Variants in KSR2 observed in about 807,000 individuals in gnomAD.
The protein encoded by KSR2 is kinase suppressor of ras 2.
Under a neutral mutation model 107.8 loss-of-function variants are expected in KSR2, and 25 were observed. The ratio of observed to expected loss-of-function variants is 0.23; its 90% CI spans 0.17 to 0.32. The LOEUF (loss-of-function observed/expected upper bound fraction) is 0.32, where lower values mean the gene tolerates loss of function less well. Ranked by LOEUF, KSR2 falls within the 10% of genes least tolerant of loss-of-function variation. The pLI is 1.00. For missense variants in KSR2, 887 were observed against 1,268.9 expected (o/e 0.70, Z 4.57); for synonymous variants, 480 against 507.0 (o/e 0.95, Z 0.71).
chr12:117,457,590 A>C lies in KSR2; in HGVS notation c.*9609T>G, dbSNP rs2137089405. On this transcript the variant is annotated 3_prime_UTR_variant, in exon 20 of 20. Transcript: ENST00000339824. ...AGAAGCTCAGGTGACACCATGCCTGACATGCCACCATATGGGCTTCCAGCC... is the reference window on the plus strand; with the variant it reads ...AGAAGCTCAGGTGACACCATGCCTGCCATGCCACCATATGGGCTTCCAGCC... 6.6e-6 allele frequency: 1 copy of C among 152,320 alleles called. No homozygotes were observed. The highest frequency in any genetic ancestry group is 3.4e-3 in the Middle Eastern group (1 of 294). 9.4% of individuals were successfully genotyped at this position (152,320 alleles called of 1,614,324 possible).
At chr12:117,691,070 G>A (rs1378017406) in intron 4 of KSR2, among the ~76,000 whole-genome samples, 1 of 152,242 alleles carries the variant, frequency 6.6e-6, no homozygotes, top group Non-Finnish European at 1.5e-5. Context: ...AGGGCTTCAA[G>A]TGGGACCCAG....
intron 14 of KSR2, among the ~76,000 whole-genome samples, chr12:117,522,641 C>T (rs1262804933): frequency 6.6e-6 from 1 of 152,168 alleles, no homozygotes; most frequent in Non-Finnish European, 1.5e-5. Context: ...GCTGTGTCTC[C>T]ATGCCTTGAA....
rs1276924616 is a variant in KSR2, at chr12:117,557,142, G to A, written c.1393+1364C>T. Among the ~76,000 whole-genome samples the A allele has an allele frequency of 2.0e-5, 3 of 152,278 alleles. No individual in the cohort carries two copies. The East Asian group carries it at 5.8e-4, about 29-fold the overall frequency. On this transcript the variant is annotated intron_variant, in intron 8 of 19. Transcript: ENST00000339824. The stretch of plus-strand genomic sequence containing the variant: ...ATCGCACCACTGCACTCCAGCCTGG[G>A]CGACAGAGAGAGACTCCATCTCAAA...
intron 3 of KSR2, among the ~76,000 whole-genome samples, chr12:117,808,694 C>T (rs528677893): frequency 6.6e-6 from 1 of 152,292 alleles, no homozygotes; most frequent in East Asian, 1.9e-4. Flanking sequence ...AACTCCTACA[C>T]CCCTCTCCTC....
intron 5 of KSR2, among the ~76,000 whole-genome samples, chr12:117,605,151 T>C (rs1048127839): frequency 1.3e-5 from 2 of 152,116 alleles, no homozygotes; most frequent in African/African-American, 4.8e-5. Flanking sequence ...CTGTGAGGAA[T>C]GGGGTGTTCT....
At chr12:117,723,826 C>A (rs745973164) in intron 4 of KSR2, among the ~76,000 whole-genome samples, 1 of 151,954 alleles carries the variant, frequency 6.6e-6, no homozygotes, top group Non-Finnish European at 1.5e-5. Context: ...AAATCTAATA[C>A]GGGATTTTTG....
chr12:117,824,084 A>G (rs1225674461), intron 3 of KSR2, among the ~76,000 whole-genome samples: 7 of 152,206 alleles, frequency 4.6e-5, no homozygotes, highest in Non-Finnish European at 1.0e-4. Flanking sequence ...AAGGAATGAA[A>G]TCCTGTCATC....
Position 117,842,112 on chromosome 12 carries a change from C to T in KSR2, c.472+13316G>A, listed in dbSNP as rs1892511360. 6.6e-6 allele frequency among the ~76,000 whole-genome samples: 1 copy of T among 152,238 alleles called. No individual in the cohort carries two copies. The highest frequency in any genetic ancestry group is 1.9e-4 in the East Asian group (1 of 5,192). ...TAATGCAGATTTCTGGGCACTGCCCCGGACTGGCTGAAGCAGGAACTCTGG... is the reference window on the plus strand; with the variant it reads ...TAATGCAGATTTCTGGGCACTGCCCTGGACTGGCTGAAGCAGGAACTCTGG... On this transcript the variant is annotated intron_variant, in intron 3 of 19. Transcript: ENST00000339824. The surrounding 1 kb of genome is among the most constrained non-coding windows in gnomAD (Gnocchi z 4.2).
At chr12:117,618,739 G>GT (rs1425754193) in intron 5 of KSR2, among the ~76,000 whole-genome samples, 1 of 152,072 alleles carries the variant, frequency 6.6e-6, no homozygotes, top group African/African-American at 2.4e-5. Flanking sequence ...ATGTAAGAAT[G>GT]TAAGACGTGC....
chr12:117,769,744 G>A (rs942499936), intron 3 of KSR2, among the ~76,000 whole-genome samples: 3 of 152,128 alleles, frequency 2.0e-5, no homozygotes, highest in Non-Finnish European at 2.9e-5. Flanking sequence ...GCCTGACACA[G>A]AGCTCACACT....
chr12:117,913,582 A>T (rs1396581141), intron 1 of KSR2, among the ~76,000 whole-genome samples: 1 of 152,220 alleles, frequency 6.6e-6, no homozygotes, highest in Non-Finnish European at 1.5e-5. Context: ...AATAGGAGAC[A>T]CAGAGAGAAG....
At chr12:117,469,465 A>G (rs1424915909) in intron 19 of KSR2, among the ~76,000 whole-genome samples, 197 bp downstream of exon 19, 1 of 152,180 alleles carries the variant, frequency 6.6e-6, no homozygotes, top group African/African-American at 2.4e-5. Context: ...CAAGACCCAC[A>G]GGACAGACTC....
chr12:117,484,938 G>A (rs1009359926), intron 15 of KSR2, among the ~76,000 whole-genome samples: 6 of 152,182 alleles, frequency 3.9e-5, no homozygotes, highest in African/African-American at 1.2e-4. Flanking sequence ...CTATGCTGCC[G>A]CAGAAGGCAA....
chr12:117,736,424 T>C (rs551322018), intron 4 of KSR2, among the ~76,000 whole-genome samples: 3 of 152,176 alleles, frequency 2.0e-5, no homozygotes, highest in Non-Finnish European at 2.9e-5. Context: ...TGGCCCATAA[T>C]AAGGACCGAG....
intron 3 of KSR2, among the ~76,000 whole-genome samples, chr12:117,838,459 G>T (rs1368250770): frequency 6.6e-6 from 1 of 152,174 alleles, no homozygotes; most frequent in Non-Finnish European, 1.5e-5. Context: ...GAGCCACCAT[G>T]CCCAGTCAGG....
At chr12:117,933,357 G>A (rs1895747668) in intron 1 of KSR2, among the ~76,000 whole-genome samples, 1 of 152,128 alleles carries the variant, frequency 6.6e-6, no homozygotes, top group African/African-American at 2.4e-5. Flanking sequence ...TTGGGAGGCC[G>A]AGACAGGCAG....
At chr12:117,546,922 A>T (rs1876911147) in intron 9 of KSR2, among the ~76,000 whole-genome samples, 3 of 152,152 alleles carry the variant, frequency 2.0e-5, no homozygotes, top group Non-Finnish European at 4.4e-5. Context: ...TTGCTTATTG[A>T]AGTATTTTTA....
intron 5 of KSR2, among the ~76,000 whole-genome samples, chr12:117,607,403 T>C (rs1489450088): frequency 2.0e-5 from 3 of 152,162 alleles, no homozygotes; most frequent in Non-Finnish European, 2.9e-5. Context: ...CCCAGAGAGA[T>C]GCCCAGCTGG....
chr12:117,646,306 G>A (rs1883636181), intron 5 of KSR2, among the ~76,000 whole-genome samples: 1 of 152,164 alleles, frequency 6.6e-6, no homozygotes, highest in Non-Finnish European at 1.5e-5. Flanking sequence ...GCCCTCTGCA[G>A]AAGCAGCAGC....
Sources: gnomAD v4.1 joint callset for allele counts (sites outside exome capture counted in the v4.1 genomes callset) on GRCh38, gnomAD v4.1.1 for gene constraint, Gnocchi (gnomAD v3.1) non-coding constraint, MANE v1.5 for transcripts, NCBI Gene and HGNC (gene_info 2026-07-23, HGNC 2026-07-21) for gene names.